The following MYO1B variants were observed in gnomAD, a reference collection of about 807,000 sequenced individuals.
MYO1B encodes myosin IB.
A neutral mutation model predicts 159.7 loss-of-function variants in MYO1B; 72 were observed. The observed-to-expected ratio is 0.45, with a 90% CI of 0.37 to 0.55. The LOEUF is 0.55. Ranked by LOEUF, MYO1B falls within the 20% of genes least tolerant of loss-of-function variation. The pLI, the probability that MYO1B is intolerant of heterozygous loss-of-function variation, is 0.00. For missense variants in MYO1B, 1,062 were observed against 1,364.8 expected, an observed-to-expected ratio of 0.78 and a Z score of 3.50; for synonymous variants, 468 against 473.8, an observed-to-expected ratio of 0.99 and a Z score of 0.16.
At chr2:191,374,029 C>T (rs987652803) in intron 13 of MYO1B, among the ~76,000 whole-genome samples, 4 of 151,964 alleles carry the variant, frequency 2.6e-5, no homozygotes, top group Non-Finnish European at 5.9e-5. Flanking sequence ...GGTACTTTTA[C>T]CTGCTTTTTA....
At chr2:191,350,035 T>A in intron 6 of MYO1B, 127 bp from the exon 7 acceptor site, 1 of 698,190 alleles carries the variant, frequency 1.4e-6, no homozygotes, top group Non-Finnish European at 2.5e-6. Context: ...TTATATAAAC[T>A]GTGTCTTTCT....
intron 1 of MYO1B, among the ~76,000 whole-genome samples, chr2:191,251,234 G>C (rs375123727): frequency 2.0e-5 from 3 of 152,170 alleles, no homozygotes; most frequent in Non-Finnish European, 2.9e-5. Flanking sequence ...CAGGGCGTTT[G>C]TCTGATCTCT....
intron 1 of MYO1B, among the ~76,000 whole-genome samples, chr2:191,248,666 A>G (rs1233663877): frequency 6.6e-6 from 1 of 152,216 alleles, no homozygotes; most frequent in Non-Finnish European, 1.5e-5. Flanking sequence ...TTGCACCATT[A>G]TAGAGTAAAA....
intron 2 of MYO1B, among the ~76,000 whole-genome samples, chr2:191,292,619 C>G (rs1475710772): frequency 6.6e-6 from 1 of 151,220 alleles, no homozygotes; most frequent in Non-Finnish European, 1.5e-5. Flanking sequence ...AGGTCTGAGT[C>G]GATGTTAATG....
chr2:191,402,528 C>G (rs1696676402), intron 23 of MYO1B, 104 bp from the exon 24 acceptor site: 1 of 933,308 alleles, frequency 1.1e-6, no homozygotes, highest in Non-Finnish European at 1.7e-6. Context: ...TTCTGAAATC[C>G]TTATTCATAA....
chr2:191,288,070 A>G (rs779216929), intron 2 of MYO1B, among the ~76,000 whole-genome samples: 1 of 152,044 alleles, frequency 6.6e-6, no homozygotes, highest in Non-Finnish European at 1.5e-5. Flanking sequence ...ACAGTGTTCC[A>G]TTGTACGTAT....
At chr2:191,334,536 A>G (rs1198202323) in intron 4 of MYO1B, among the ~76,000 whole-genome samples, 3 of 152,002 alleles carry the variant, frequency 2.0e-5, no homozygotes, top group South Asian at 4.2e-4. Flanking sequence ...CTGCTTGACA[A>G]TTTGTTCTAT....
intron 7 of MYO1B, among the ~76,000 whole-genome samples, chr2:191,357,163 C>T (rs1453536842): frequency 3.3e-5 from 5 of 151,910 alleles, no homozygotes; most frequent in South Asian, 2.1e-4. Flanking sequence ...TTTTTCTTCC[C>T]GACCAATACA....
chr2:191,313,646 A>G (rs972505738), intron 3 of MYO1B, among the ~76,000 whole-genome samples: 10 of 152,154 alleles, frequency 6.6e-5, no homozygotes, highest in African/African-American at 2.4e-4. Flanking sequence ...GGCCCCCCAA[A>G]GTGCTGGGAT....
intron 3 of MYO1B, among the ~76,000 whole-genome samples, chr2:191,298,250 A>G (rs1689101655): frequency 6.6e-6 from 1 of 152,246 alleles, no homozygotes; most frequent in Non-Finnish European, 1.5e-5. Flanking sequence ...AGTCAAGCAA[A>G]TTCTGATCAT....
chr2:191,271,196 C>T (rs1687433993), intron 1 of MYO1B, among the ~76,000 whole-genome samples: 1 of 152,184 alleles, frequency 6.6e-6, no homozygotes, highest in South Asian at 2.1e-4. Context: ...AGATAAAACA[C>T]ACTTGTTACT....
At chr2:191,398,919 G>A (rs1033583819) in intron 21 of MYO1B, among the ~76,000 whole-genome samples, 1 of 152,220 alleles carries the variant, frequency 6.6e-6, no homozygotes, top group Admixed American at 6.5e-5. Flanking sequence ...GCAGGCGGCT[G>A]GGAGGTGTAG....
intron 2 of MYO1B, among the ~76,000 whole-genome samples, chr2:191,292,074 A>T (rs1000907171): frequency 6.6e-6 from 1 of 152,230 alleles, no homozygotes; most frequent in African/African-American, 2.4e-5. Flanking sequence ...AAGGGCAGGT[A>T]TAGGATGAAC....
intron 1 of MYO1B, among the ~76,000 whole-genome samples, chr2:191,255,414 G>A (rs1353594445): frequency 6.6e-6 from 1 of 152,158 alleles, no homozygotes; most frequent in African/African-American, 2.4e-5. Context: ...TTTAGATTGG[G>A]GTACAAGGAG....
In MYO1B at chr2:191,262,615, C is replaced by T. The variant is rs113572896; in HGVS notation, c.-9-14272C>T. On this transcript the variant is annotated intron_variant, in intron 1 of 30. Coordinates refer to ENST00000392318, the MANE Select transcript of MYO1B (RefSeq NM_001130158.3). ...GCTGGTTAGGCTATGTAATGCTTCTCTCTCCCCGCCCACCCATTCCCACCA... is the reference window on the plus strand; with the variant it reads ...GCTGGTTAGGCTATGTAATGCTTCTTTCTCCCCGCCCACCCATTCCCACCA... 2.6e-3 allele frequency among the ~76,000 whole-genome samples: 381 copies of T among 148,956 alleles called. 3 individuals are homozygous for T. The highest frequency in any genetic ancestry group is 8.5e-3 in the African/African-American group (345 of 40,814).
intron 3 of MYO1B, among the ~76,000 whole-genome samples, chr2:191,315,327 A>G (rs1308642237): frequency 6.6e-6 from 1 of 152,154 alleles, no homozygotes; most frequent in African/African-American, 2.4e-5. Context: ...ATGTGAATTA[A>G]TTGTTATATT....
intron 13 of MYO1B, 42 bp from the exon 14 acceptor site, chr2:191,381,420 G>A (rs1414032293): frequency 7.4e-7 from 1 of 1,351,036 alleles, no homozygotes; most frequent in Non-Finnish European, 1.1e-6. Context: ...GAGAGAGCTA[G>A]TGGCATGGTT....
chr2:191,417,827 G>A (rs1336774063), intron 30 of MYO1B, among the ~76,000 whole-genome samples: 1 of 152,202 alleles, frequency 6.6e-6, no homozygotes, highest in East Asian at 1.9e-4. Flanking sequence ...TGCGGGGATA[G>A]CGTGTGGCGT....
At chr2:191,279,820 G>T (rs752432486) in intron 2 of MYO1B, among the ~76,000 whole-genome samples, 1 of 152,100 alleles carries the variant, frequency 6.6e-6, no homozygotes, top group Non-Finnish European at 1.5e-5. Context: ...ATAAAAATGG[G>T]TGACTCTCTA....
Sources: gnomAD v4.1 joint callset for allele counts (sites outside exome capture counted in the v4.1 genomes callset) on GRCh38, gnomAD v4.1.1 for gene constraint, MANE v1.5 for transcripts, NCBI Gene and HGNC (gene_info 2026-07-23, HGNC 2026-07-21) for gene names.